STT3B: variants seen among roughly 807,000 people sequenced by gnomAD.
STT3B encodes the protein STT3 oligosaccharyltransferase complex catalytic subunit B.
A neutral mutation model predicts 96.8 loss-of-function variants in STT3B; 29 were observed. That is an observed-to-expected ratio of 0.30 (90% CI 0.22 to 0.41). The LOEUF is 0.41. Among genes scored for constraint, STT3B ranks in the 10% least tolerant of loss-of-function variants. STT3B has a pLI of 1.00. For missense variants in STT3B, 640 were observed against 1,022.3 expected, an observed-to-expected ratio of 0.63 and a Z score of 5.10; for synonymous variants, 367 against 360.0, an observed-to-expected ratio of 1.02 and a Z score of -0.22.
chr3:31,619,947 C>G (rs1699389653), intron 9 of STT3B, 117 bp downstream of exon 9: 1 of 1,510,824 alleles, frequency 6.6e-7, no homozygotes, highest in South Asian at 1.3e-5. Flanking sequence ...GATAAATTTT[C>G]TCCTTTATTT....
intron 14 of STT3B, among the ~76,000 whole-genome samples, chr3:31,630,444 TTC>T (rs766556662): frequency 6.6e-6 from 1 of 152,214 alleles, no homozygotes; most frequent in Non-Finnish European, 1.5e-5. Context: ...AAATGTATTG[TTC>T]TTTGTTAAGC....
intron 1 of STT3B, among the ~76,000 whole-genome samples, chr3:31,551,147 C>A (rs1052411951): frequency 6.6e-6 from 1 of 151,984 alleles, no homozygotes; most frequent in African/African-American, 2.4e-5. Context: ...TTTCTTCTCC[C>A]TTTGTTGAAT....
chr3:31,627,166 G>T (rs1238216464), intron 13 of STT3B, among the ~76,000 whole-genome samples: 3 of 152,120 alleles, frequency 2.0e-5, no homozygotes, highest in Admixed American at 6.5e-5. Context: ...GGCCTGTTAG[G>T]AACCAGGCCA....
At chr3:31,609,056 A>G (rs1053401039) in intron 5 of STT3B, among the ~76,000 whole-genome samples, 5 of 152,130 alleles carry the variant, frequency 3.3e-5, no homozygotes, top group African/African-American at 1.2e-4. Context: ...CGGAGGTCGC[A>G]GTGAGCCGAG....
intron 3 of STT3B, among the ~76,000 whole-genome samples, chr3:31,590,177 A>T (rs981458680): frequency 2.0e-5 from 3 of 151,956 alleles, no homozygotes; most frequent in African/African-American, 7.2e-5. Context: ...TACAATCTGT[A>T]GTGATGTCAC....
rs771726674 is a variant in STT3B at position 31,633,101 on chromosome 3, C to G, written c.2354C>G (p.Pro785Arg). The G allele has an allele frequency of 2.5e-6, 4 of 1,613,822 alleles. No individual in the cohort carries two copies. The highest frequency in any genetic ancestry group is 3.4e-6 in the Non-Finnish European group (4 of 1,179,928). The change falls in exon 15 of 16, where the codon CCT (proline) becomes CGT (arginine). Residue 785 changes from proline (P) to arginine (R), a missense_variant. Coordinates refer to ENST00000295770, the MANE Select transcript of STT3B (RefSeq NM_178862.3). Reference sequence around the variant, plus strand: ...AACAGGGAGACATTAGATCACAAACCTCGAGTCACCAACATTTTCCCAAAA... The same window carrying G: ...AACAGGGAGACATTAGATCACAAACGTCGAGTCACCAACATTTTCCCAAAA... Reference protein sequence around the residue: ...PDNRETLDHKPRVTNIFPKQK... With the variant: ...PDNRETLDHKRRVTNIFPKQK...
chr3:31,597,413 C>T (rs1267968814), intron 4 of STT3B, among the ~76,000 whole-genome samples: 2 of 152,018 alleles, frequency 1.3e-5, no homozygotes, highest in Non-Finnish European at 2.9e-5. Context: ...TGGCCTCGGC[C>T]TCCCAAAGTG....
intron 5 of STT3B, among the ~76,000 whole-genome samples, chr3:31,605,908 G>A (rs901527277): frequency 9.2e-5 from 14 of 152,296 alleles, no homozygotes; most frequent in African/African-American, 3.1e-4. Flanking sequence ...TGACCAAAAT[G>A]CTCATAATGA....
In STT3B at chr3:31,626,947, C is replaced by T. The variant is rs567148241; in HGVS notation, c.2073+820C>T. Among the ~76,000 whole-genome samples the T allele has an allele frequency of 2.8e-4, 43 of 152,212 alleles. No individual in the cohort carries two copies. In the East Asian group the frequency reaches 5.0e-3, roughly 18 times the overall value. Reference sequence around the variant, plus strand: ...TCTACTCTGCCAGTATGTTCTAGCCCCTGAAACTTGCTTGTGCTTTCTTTC... The same window carrying T: ...TCTACTCTGCCAGTATGTTCTAGCCTCTGAAACTTGCTTGTGCTTTCTTTC... On this transcript the variant is annotated intron_variant, in intron 13 of 15. Transcript: ENST00000295770.
chr3:31,625,250 T>C (rs1172767309), intron 12 of STT3B, among the ~76,000 whole-genome samples, 165 bp downstream of exon 12: 1 of 152,212 alleles, frequency 6.6e-6, no homozygotes, highest in Admixed American at 6.5e-5. Context: ...GGTGTGCTTA[T>C]TTTGTTTTTA....
chr3:31,598,749 G>C (rs1360422066), intron 4 of STT3B, among the ~76,000 whole-genome samples: 2 of 151,846 alleles, frequency 1.3e-5, no homozygotes, highest in African/African-American at 2.4e-5. Context: ...TAATGTAGTA[G>C]ATACCTAGAG....
At chr3:31,567,725 A>C (rs12632093) in intron 1 of STT3B, among the ~76,000 whole-genome samples, 3 of 152,182 alleles carry the variant, frequency 2.0e-5, no homozygotes, top group African/African-American at 7.2e-5. Flanking sequence ...TTATGGGTAC[A>C]TAATAGATTT....
chr3:31,624,070 T>C (rs1030135311), intron 11 of STT3B, among the ~76,000 whole-genome samples: 1 of 152,218 alleles, frequency 6.6e-6, no homozygotes, highest in Non-Finnish European at 1.5e-5. Context: ...GCATGTGTAA[T>C]AATCACGTGT....
At chr3:31,596,953 T>C in intron 4 of STT3B, 90 bp downstream of exon 4, 1 of 988,436 alleles carries the variant, frequency 1.0e-6, no homozygotes, top group Admixed American at 2.2e-5. Context: ...AGGATTTTTA[T>C]TTTGTTTAAT....
At chr3:31,571,321 A>T (rs1698130136) in intron 1 of STT3B, among the ~76,000 whole-genome samples, 1 of 150,832 alleles carries the variant, frequency 6.6e-6, no homozygotes, top group Admixed American at 6.6e-5. Flanking sequence ...TAAAAAAGAG[A>T]AGCAAATAAG....
In STT3B at chr3:31,547,059, T is replaced by G. The variant is rs140611707; in HGVS notation, c.314+13747T>G. On this transcript the variant is annotated intron_variant, in intron 1 of 15. Transcript: ENST00000295770. The stretch of plus-strand genomic sequence containing the variant: ...AGGCTTGGAAGAATTTACAAGTATT[T>G]TTATTTACTTATAAATTTTTATGTA... 7.6e-3 allele frequency among the ~76,000 whole-genome samples: 1,151 copies of G among 152,310 alleles called. 14 individuals carry two copies. The highest frequency in any genetic ancestry group is 0.026 in the African/African-American group (1,060 of 41,564).
chr3:31,562,816 T>C (rs1697911744), intron 1 of STT3B, among the ~76,000 whole-genome samples: 1 of 152,176 alleles, frequency 6.6e-6, no homozygotes, highest in Non-Finnish European at 1.5e-5. Context: ...TGCAGTTTAA[T>C]GGGGCCTGTG....
intron 14 of STT3B, among the ~76,000 whole-genome samples, chr3:31,631,176 T>C (rs1347556480): frequency 1.3e-5 from 2 of 152,236 alleles, no homozygotes; most frequent in Non-Finnish European, 2.9e-5. Context: ...AGTTAGCATA[T>C]ACTGTGTTCC....
At position 31,587,024 on chromosome 3, in the gene STT3B, ATCT is replaced by A. The variant is rs527758571; in HGVS notation, c.711+6934_711+6936del. On this transcript the variant is annotated intron_variant, in intron 3 of 15. Transcript: ENST00000295770. ...ATGGTATTTCTTTCCATTTATTTAG[ATCT>A]TCTTCATTTTTGCTTTAATTTTTCT... is the stretch of plus-strand genomic sequence containing the variant. 2.8e-3 allele frequency among the ~76,000 whole-genome samples: 425 copies of A among 151,950 alleles called. 4 individuals carry two copies. The highest frequency in any genetic ancestry group is 9.7e-3 in the African/African-American group (403 of 41,440).
Sources: gnomAD v4.1 joint callset for allele counts (sites outside exome capture counted in the v4.1 genomes callset) on GRCh38, gnomAD v4.1.1 for gene constraint, MANE v1.5 for transcripts, NCBI Gene and HGNC (gene_info 2026-07-23, HGNC 2026-07-21) for gene names.